NANOS1: variants seen among roughly 807,000 people sequenced by gnomAD.
The protein encoded by NANOS1 is nanos homolog 1.
A neutral mutation model predicts 1.1 loss-of-function variants in NANOS1; 1 was observed. That is an observed-to-expected ratio of 0.88 (90% CI 0.31 to 4.20). NANOS1 has a LOEUF of 4.20. Ranked by LOEUF, NANOS1 falls within the 30% of genes most tolerant of loss-of-function variation. The pLI, the probability that NANOS1 is intolerant of heterozygous loss-of-function variation, is 0.17. For missense variants in NANOS1, 537 were observed against 457.9 expected (o/e 1.17, Z -1.58); for synonymous variants, 252 against 230.6 (o/e 1.09, Z -0.84).
Position 119,030,232 on chromosome 10 carries a change from TGGA to T in NANOS1, c.436_438del (p.Glu146del), listed in dbSNP as rs1206092291. The T allele has an allele frequency of 7.8e-7, 1 of 1,278,932 alleles. No individual in the cohort carries two copies. Among genetic ancestry groups the T allele is most frequent in the Non-Finnish European group, 9.8e-7 (1 of 1,016,614 alleles). 79.2% of individuals were successfully genotyped at this position (1,278,932 alleles called of 1,614,324 possible). A position where few individuals can be genotyped will look rare whatever the true frequency, so the allele number is the denominator to read the frequency against. On this transcript the variant is annotated inframe_deletion, in exon 1 of 1. Coordinates refer to ENST00000425699, the MANE Select transcript of NANOS1 (RefSeq NM_199461.4). The surrounding 1 kb of genome is among the most constrained non-coding windows in gnomAD (Gnocchi z 5.3). ...GCGGGCCCCGCCGAGGCCGGGCTGC[TGGA>T]GGAGCGCTTCGCCGAGCTGAGCCCG...
Position 119,030,024 on chromosome 10 carries a change from T to C in NANOS1, c.223T>C (p.Ser75Pro). The part of the protein sequence containing the change: ...CARGGNGGGG[S>P]PPSSSSSSCC... ...CCGCGGTGGGAACGGCGGCGGCGGC[T>C]CCCCGCCCTCCTCCTCCTCGTCGTC... The change falls in exon 1 of 1, where the codon TCC becomes CCC. Residue 75 changes from serine to proline, a missense_variant. By Grantham distance (74) the Ser-to-Pro change is moderately conservative. Coordinates refer to ENST00000425699, the MANE Select transcript of NANOS1 (RefSeq NM_199461.4). The surrounding 1 kb of genome is among the most constrained non-coding windows in gnomAD (Gnocchi z 5.3). 1 of 1,391,308 alleles carries C rather than the reference T, an allele frequency of 7.2e-7. No individual in the cohort carries two copies. Among genetic ancestry groups the C allele is most frequent in the Non-Finnish European group, 9.3e-7 (1 of 1,071,468 alleles). The allele number at this position is 1,391,308 out of a possible 1,614,324, so 86.2% of individuals were successfully genotyped here. A position where few individuals can be genotyped will look rare whatever the true frequency, so the allele number is the denominator to read the frequency against.
rs1848043593 is a variant in NANOS1 at position 119,031,179 on chromosome 10, G to T, written c.*499G>T. 1 of 167,578 alleles carries T rather than the reference G, an allele frequency of 6.0e-6. No individual in the cohort carries two copies. The highest frequency in any genetic ancestry group is 1.5e-5 in the Non-Finnish European group (1 of 68,488). The allele number at this position is 167,578 out of a possible 1,614,324, so 10.4% of individuals were successfully genotyped here. ...TTGAAGCGAGTTAATATTCTCAGTT[G>T]TCTTTAAAAATCAGTTACTCTAATT... On this transcript the variant is annotated 3_prime_UTR_variant, in exon 1 of 1. Coordinates refer to ENST00000425699, the MANE Select transcript of NANOS1 (RefSeq NM_199461.4).
Position 119,031,054 on chromosome 10 carries a change from G to A in NANOS1, c.*374G>A, listed in dbSNP as rs1848042045. 2.4e-5 allele frequency: 5 copies of A among 211,246 alleles called. No homozygotes were observed. In the South Asian group the frequency reaches 7.6e-4, roughly 32 times the overall value. The allele number at this position is 211,246 out of a possible 1,614,324, so 13.1% of individuals were successfully genotyped here. On this transcript the variant is annotated 3_prime_UTR_variant, in exon 1 of 1. Coordinates refer to ENST00000425699, the MANE Select transcript of NANOS1 (RefSeq NM_199461.4). Reference sequence around the variant, plus strand: ...TCTTGGATGTTTCATTTTATGAATGGAGGCACTTTACTAGGTCTAGAATAT... The same window carrying A: ...TCTTGGATGTTTCATTTTATGAATGAAGGCACTTTACTAGGTCTAGAATAT...
chr10:119,030,406 CG>C lies in NANOS1; in HGVS notation c.607del (p.Ala203ProfsTer5). Reference protein sequence around the residue: ...EPRLHAASGAAAARLLKPELQ... With the variant: ...EPRLHAASGAXAARLLKPELQ... ...CGGCTGCACGCGGCCTCCGGGGCGG[CG>C]GCCGCCCGGCTGCTGAAGCCCGAGC... is the stretch of plus-strand genomic sequence containing the variant. On this transcript the variant is annotated frameshift_variant, in exon 1 of 1. Coordinates refer to ENST00000425699, the MANE Select transcript of NANOS1 (RefSeq NM_199461.4). LOFTEE classifies it low-confidence loss of function (END_TRUNC). This position sits in a 1 kb window ranked among gnomAD's most constrained non-coding sequence, Gnocchi z 5.3. 7.8e-7 allele frequency: 1 copy of C among 1,276,680 alleles called. No individual in the cohort carries two copies. The highest frequency in any genetic ancestry group is 1.0e-6 in the Non-Finnish European group (1 of 1,003,200). 79.1% of individuals were successfully genotyped at this position (1,276,680 alleles called of 1,614,324 possible).
chr10:119,030,387 C>T lies in NANOS1; in HGVS notation c.586C>T (p.His196Tyr), dbSNP rs1458945711. Residue 196 changes from histidine (H) to tyrosine (Y), a missense_variant, in exon 1 of 1, where the codon CAC becomes TAC. Coordinates refer to ENST00000425699, the MANE Select transcript of NANOS1 (RefSeq NM_199461.4). This position sits in a 1 kb window ranked among gnomAD's most constrained non-coding sequence, Gnocchi z 5.3. ...APAWAAEPRL[H>Y]AASGAAAARL... ...GGCGTGGGCGGCCGAGCCCCGGCTG[C>T]ACGCGGCCTCCGGGGCGGCGGCCGC... 2 of 1,225,716 alleles carry T rather than the reference C, an allele frequency of 1.6e-6. No homozygotes were observed. The highest frequency in any genetic ancestry group is 2.0e-6 in the Non-Finnish European group (2 of 978,688). 75.9% of individuals were successfully genotyped at this position (1,225,716 alleles called of 1,614,324 possible). A position where few individuals can be genotyped will look rare whatever the true frequency, so the allele number is the denominator to read the frequency against.
rs1303819494 is a variant in NANOS1, at chr10:119,030,733, T to C, written c.*53T>C. 2.4e-6 allele frequency: 3 copies of C among 1,254,414 alleles called. No homozygotes were observed. The highest frequency in any genetic ancestry group is 3.6e-5 in the South Asian group (1 of 27,800). The allele number at this position is 1,254,414 out of a possible 1,614,324, so 77.7% of individuals were successfully genotyped here. ...CGCCGCCGCCCCTCGCACCGCTAGGTCTGCGCACCATCTCGCCCCCGCCGT... is the reference window on the plus strand; with the variant it reads ...CGCCGCCGCCCCTCGCACCGCTAGGCCTGCGCACCATCTCGCCCCCGCCGT... On this transcript the variant is annotated 3_prime_UTR_variant, in exon 1 of 1. Transcript: ENST00000425699. This position sits in a 1 kb window ranked among gnomAD's most constrained non-coding sequence, Gnocchi z 5.3.
chr10:119,030,057 T>C lies in NANOS1; in HGVS notation c.256T>C (p.Ser86Pro), dbSNP rs1201953394. 5 of 1,336,604 alleles carry C rather than the reference T, an allele frequency of 3.7e-6. No individual in the cohort carries two copies. The highest frequency in any genetic ancestry group is 4.8e-6 in the Non-Finnish European group (5 of 1,045,436). 82.8% of individuals were successfully genotyped at this position (1,336,604 alleles called of 1,614,324 possible). ...PPSSSSSSCC[S>P]PHTGAGPGAL... The stretch of plus-strand genomic sequence containing the variant: ...CTCCTCCTCCTCGTCGTCCTGCTGC[T>C]CCCCCCACACGGGGGCCGGGCCTGG... The change falls in exon 1 of 1, where the codon TCC (serine) becomes CCC (proline). Residue 86 changes from serine (S) to proline (P), a missense_variant. Ser to Pro is a moderately conservative substitution (Grantham distance 74). Coordinates refer to ENST00000425699, the MANE Select transcript of NANOS1 (RefSeq NM_199461.4). This position sits in a 1 kb window ranked among gnomAD's most constrained non-coding sequence, Gnocchi z 5.3.
At position 119,030,803 on chromosome 10, in the gene NANOS1, C is replaced by T. The variant is rs1313805898; in HGVS notation, c.*123C>T. ...CGGTCGGCTCGACATGGGACGTCGT[C>T]CTGGTGGTTTTTGAAAAGCAGCCGA... On this transcript the variant is annotated 3_prime_UTR_variant, in exon 1 of 1. Transcript: ENST00000425699. The surrounding 1 kb of genome is among the most constrained non-coding windows in gnomAD (Gnocchi z 5.3). 1 of 1,215,066 alleles carries T rather than the reference C, an allele frequency of 8.2e-7. No individual in the cohort carries two copies. The highest frequency in any genetic ancestry group is 3.5e-5 in the East Asian group (1 of 28,646). The allele number at this position is 1,215,066 out of a possible 1,614,324, so 75.3% of individuals were successfully genotyped here. A position where few individuals can be genotyped will look rare whatever the true frequency, so the allele number is the denominator to read the frequency against.
rs1278585253 is a variant in NANOS1 at position 119,030,277 on chromosome 10, C to A, written c.476C>A (p.Ala159Asp). The A allele has an allele frequency of 8.2e-7, 1 of 1,223,112 alleles. No individual in the cohort carries two copies. Among genetic ancestry groups the A allele is most frequent in the Non-Finnish European group, 1.0e-6 (1 of 983,700 alleles). 75.8% of individuals were successfully genotyped at this position (1,223,112 alleles called of 1,614,324 possible). A position where few individuals can be genotyped will look rare whatever the true frequency, so the allele number is the denominator to read the frequency against. Reference protein sequence around the residue: ...AELSPFAGRAAAVLLGCAPAA... With the variant: ...AELSPFAGRADAVLLGCAPAA... ...CTGAGCCCGTTCGCGGGTCGTGCCG[C>A]CGCCGTGCTGCTGGGCTGCGCGCCC... The change falls in exon 1 of 1, where the codon GCC (alanine) becomes GAC (aspartate). Residue 159 changes from alanine (A) to aspartate (D), a missense_variant. Ala to Asp is a moderately radical substitution (Grantham distance 126, BLOSUM62 -2). Transcript: ENST00000425699. The surrounding 1 kb of genome is among the most constrained non-coding windows in gnomAD (Gnocchi z 5.3).
chr10:119,031,374 A>G lies in NANOS1; in HGVS notation c.*694A>G, dbSNP rs77394174. 38 of 167,190 alleles carry G rather than the reference A, an allele frequency of 2.3e-4. No homozygotes were observed. The highest frequency in any genetic ancestry group is 7.2e-4 in the African/African-American group (30 of 41,556). The allele number at this position is 167,190 out of a possible 1,614,324, so 10.4% of individuals were successfully genotyped here. Reference sequence around the variant, plus strand: ...GTAGAATACAGCTCCTTATCGTTCTATGTACCAGGTATTTTATTACTGAAC... The same window carrying G: ...GTAGAATACAGCTCCTTATCGTTCTGTGTACCAGGTATTTTATTACTGAAC... On this transcript the variant is annotated 3_prime_UTR_variant, in exon 1 of 1. Coordinates refer to ENST00000425699, the MANE Select transcript of NANOS1 (RefSeq NM_199461.4).
Position 119,031,431 on chromosome 10 carries a change from G to A in NANOS1, c.*751G>A, listed in dbSNP as rs767976844. ...CTAGCCTTTTCCACCTTTAAAAGTTGTGCCAAGTCATAATCATATTGTGTA... is the reference window on the plus strand; with the variant it reads ...CTAGCCTTTTCCACCTTTAAAAGTTATGCCAAGTCATAATCATATTGTGTA... On this transcript the variant is annotated 3_prime_UTR_variant, in exon 1 of 1. Transcript: ENST00000425699. 8 of 167,038 alleles carry A rather than the reference G, an allele frequency of 4.8e-5. No homozygotes were observed. The highest frequency in any genetic ancestry group is 1.0e-4 in the Non-Finnish European group (7 of 68,124). The allele number at this position is 167,038 out of a possible 1,614,324, so 10.3% of individuals were successfully genotyped here. A position where few individuals can be genotyped will look rare whatever the true frequency, so the allele number is the denominator to read the frequency against.
In NANOS1 at chr10:119,030,754, G is replaced by A. The variant is rs946979016; in HGVS notation, c.*74G>A. 4.0e-6 allele frequency: 5 copies of A among 1,243,902 alleles called. No individual in the cohort carries two copies. The highest frequency in any genetic ancestry group is 3.2e-4 in the Middle Eastern group (1 of 3,166). The allele number at this position is 1,243,902 out of a possible 1,614,324, so 77.1% of individuals were successfully genotyped here. A position where few individuals can be genotyped will look rare whatever the true frequency, so the allele number is the denominator to read the frequency against. ...TAGGTCTGCGCACCATCTCGCCCCC[G>A]CCGTGGGGAGGCGTGCGGCTCAGCG... is the stretch of plus-strand genomic sequence containing the variant. On this transcript the variant is annotated 3_prime_UTR_variant, in exon 1 of 1. Transcript: ENST00000425699. The surrounding 1 kb of genome is among the most constrained non-coding windows in gnomAD (Gnocchi z 5.3).
At position 119,032,314 on chromosome 10, in the gene NANOS1, G is replaced by C. The variant is rs117407828; in HGVS notation, c.*1634G>C. ...TGGTGAAAGAAAAGGTGCATTTCAAGAACTTGGGGGGCAGGAGGAAAGCAC... is the reference window on the plus strand; with the variant it reads ...TGGTGAAAGAAAAGGTGCATTTCAACAACTTGGGGGGCAGGAGGAAAGCAC... On this transcript the variant is annotated 3_prime_UTR_variant, in exon 1 of 1. Coordinates refer to ENST00000425699, the MANE Select transcript of NANOS1 (RefSeq NM_199461.4). The C allele has an allele frequency of 8.9e-3, 1,481 of 167,074 alleles. 8 individuals are homozygous for C. The highest frequency in any genetic ancestry group is 0.014 in the Middle Eastern group (4 of 296). The allele number at this position is 167,074 out of a possible 1,614,324, so 10.3% of individuals were successfully genotyped here.
rs1180633555 is a variant in NANOS1 at position 119,033,272 on chromosome 10, G to A, written c.*2592G>A. ...TTTTCCAGCTGACAATGAATACTGG[G>A]AGTTAAAACGCAGAGTATTACTATA... On this transcript the variant is annotated 3_prime_UTR_variant, in exon 1 of 1. Coordinates refer to ENST00000425699, the MANE Select transcript of NANOS1 (RefSeq NM_199461.4). The A allele has an allele frequency of 6.0e-6, 1 of 167,040 alleles. No homozygotes were observed. Among genetic ancestry groups the A allele is most frequent in the Admixed American group, 6.5e-5 (1 of 15,282 alleles). The allele number at this position is 167,040 out of a possible 1,614,324, so 10.3% of individuals were successfully genotyped here.
In NANOS1 at chr10:119,030,014, C is replaced by T. The variant is rs554303104; in HGVS notation, c.213C>T (p.Gly71=). The T allele has an allele frequency of 1.5e-4, 206 of 1,403,278 alleles. 1 individual carries two copies. In the South Asian group the frequency reaches 2.9e-3, roughly 20 times the overall value. 86.9% of individuals were successfully genotyped at this position (1,403,278 alleles called of 1,614,324 possible). ...PRFGCARGGN[G]GGGSPPSSSS... is the part of the protein sequence containing the mutation. ...TCGGCTGCGCCCGCGGTGGGAACGGCGGCGGCGGCTCCCCGCCCTCCTCCT... is the reference window on the plus strand; with the variant it reads ...TCGGCTGCGCCCGCGGTGGGAACGGTGGCGGCGGCTCCCCGCCCTCCTCCT... The change falls in exon 1 of 1, where the codon GGC becomes GGT. Residue 71 remains glycine, a synonymous_variant. Transcript: ENST00000425699. This position sits in a 1 kb window ranked among gnomAD's most constrained non-coding sequence, Gnocchi z 5.3.
At position 119,030,010 on chromosome 10, in the gene NANOS1, A is replaced by G; in HGVS notation, c.209A>G (p.Asn70Ser). The G allele has an allele frequency of 7.1e-7, 1 of 1,405,288 alleles. No individual in the cohort carries two copies. Among genetic ancestry groups the G allele is most frequent in the Non-Finnish European group, 9.3e-7 (1 of 1,078,874 alleles). The allele number at this position is 1,405,288 out of a possible 1,614,324, so 87.1% of individuals were successfully genotyped here. Reference protein sequence around the residue: ...EPRFGCARGGNGGGGSPPSSS... With the variant: ...EPRFGCARGGSGGGGSPPSSS... The stretch of plus-strand genomic sequence containing the variant: ...CGCTTCGGCTGCGCCCGCGGTGGGA[A>G]CGGCGGCGGCGGCTCCCCGCCCTCC... Residue 70 changes from asparagine (N) to serine (S), a missense_variant, in exon 1 of 1, where the codon AAC becomes AGC. Transcript: ENST00000425699. The surrounding 1 kb of genome is among the most constrained non-coding windows in gnomAD (Gnocchi z 5.3).
Position 119,030,353 on chromosome 10 carries a change from GCGGGCCCCGGCGTGGGCGGC to G in NANOS1, c.555_574del (p.Trp189AlafsTer144). On this transcript the variant is annotated frameshift_variant, in exon 1 of 1. Transcript: ENST00000425699. LOFTEE classifies it low-confidence loss of function (END_TRUNC). The surrounding 1 kb of genome is among the most constrained non-coding windows in gnomAD (Gnocchi z 5.3). Reference sequence around the variant, plus strand: ...CCAGCGAGGCGACGCCGCGCGAGGAGCGGGCCCCGGCGTGGGCGGCCGAGCCCCGGCTGCACGCGGCCTCC... The same window carrying G: ...CCAGCGAGGCGACGCCGCGCGAGGAGCGAGCCCCGGCTGCACGCGGCCTCC... 1 of 1,142,272 alleles carries G rather than the reference GCGGGCCCCGGCGTGGGCGGC, an allele frequency of 8.8e-7. No individual in the cohort carries two copies. Among genetic ancestry groups the G allele is most frequent in the Non-Finnish European group, 1.1e-6 (1 of 932,750 alleles). The allele number at this position is 1,142,272 out of a possible 1,614,324, so 70.8% of individuals were successfully genotyped here. A position where few individuals can be genotyped will look rare whatever the true frequency, so the allele number is the denominator to read the frequency against.
At position 119,029,753 on chromosome 10, in the gene NANOS1, CCGGCCCGCGCCGG is replaced by C; in HGVS notation, c.-44_-32del. 3 of 963,874 alleles carry C rather than the reference CCGGCCCGCGCCGG, an allele frequency of 3.1e-6. No homozygotes were observed. Among genetic ancestry groups the C allele is most frequent in the Non-Finnish European group, 3.7e-6 (3 of 812,962 alleles). 59.7% of individuals were successfully genotyped at this position (963,874 alleles called of 1,614,324 possible). A position where few individuals can be genotyped will look rare whatever the true frequency, so the allele number is the denominator to read the frequency against. On this transcript the variant is annotated 5_prime_UTR_variant, in exon 1 of 1. Transcript: ENST00000425699. ...GGCAGGCTCGGCGTGTCCCTTCCGTCCGGCCCGCGCCGGCGGCGGGGAGGCGGCGCGCGGCCCG... is the reference window on the plus strand; with the variant it reads ...GGCAGGCTCGGCGTGTCCCTTCCGTCCGGCGGGGAGGCGGCGCGCGGCCCG...
In NANOS1 at chr10:119,029,751, G is replaced by T; in HGVS notation, c.-51G>T. The T allele has an allele frequency of 3.1e-6, 3 of 961,348 alleles. No homozygotes were observed. Among genetic ancestry groups the T allele is most frequent in the Non-Finnish European group, 3.7e-6 (3 of 811,072 alleles). The allele number at this position is 961,348 out of a possible 1,614,324, so 59.6% of individuals were successfully genotyped here. On this transcript the variant is annotated 5_prime_UTR_variant, in exon 1 of 1. Transcript: ENST00000425699. ...CGGGCAGGCTCGGCGTGTCCCTTCC[G>T]TCCGGCCCGCGCCGGCGGCGGGGAG...
Sources: gnomAD v4.1 joint callset for allele counts on GRCh38, gnomAD v4.1.1 for gene constraint, Gnocchi (gnomAD v3.1) non-coding constraint, MANE v1.5 for transcripts, NCBI Gene and HGNC (gene_info 2026-07-23, HGNC 2026-07-21) for gene names.